CACNA2D1: variants seen among roughly 807,000 people sequenced by gnomAD.
CACNA2D1 encodes calcium voltage-gated channel auxiliary subunit alpha2delta 1.
CACNA2D1 carries 53 observed loss-of-function variants against 171.5 expected under a neutral mutation model. That is an observed-to-expected ratio of 0.31 (90% CI 0.25 to 0.39). The LOEUF is 0.39. CACNA2D1 is among the 10% of genes least tolerant of loss of function. The pLI, the probability that CACNA2D1 is intolerant of heterozygous loss-of-function variation, is 1.00. For missense variants in CACNA2D1, 903 were observed against 1,299.8 expected, an observed-to-expected ratio of 0.69 and a Z score of 4.69; for synonymous variants, 442 against 443.1, an observed-to-expected ratio of 1.00 and a Z score of 0.03.
chr7:81,954,350 A>G (rs1384009092), intron 38 of CACNA2D1, among the ~76,000 whole-genome samples: 1 of 151,910 alleles, frequency 6.6e-6, no homozygotes, highest in Non-Finnish European at 1.5e-5. Flanking sequence ...ATTTTATTAG[A>G]CTTCCTTATA....
intron 3 of CACNA2D1, among the ~76,000 whole-genome samples, chr7:82,283,043 A>G (rs1810323943): frequency 6.6e-6 from 1 of 152,170 alleles, no homozygotes; most frequent in Non-Finnish European, 1.5e-5. Context: ...GAATCGAGAG[A>G]CAGATTTTGT....
intron 4 of CACNA2D1, among the ~76,000 whole-genome samples, chr7:82,141,469 C>T (rs758178816): frequency 5.3e-5 from 8 of 152,174 alleles, no homozygotes; most frequent in Non-Finnish European, 1.0e-4. Context: ...AACCCAGTCT[C>T]CTGTTCCCAT....
chr7:82,136,246 T>C (rs1791586351), intron 5 of CACNA2D1, among the ~76,000 whole-genome samples: 2 of 152,154 alleles, frequency 1.3e-5, no homozygotes, highest in Admixed American at 6.5e-5. Context: ...TGGTTCTCCC[T>C]GGTGTGCAAA....
At chr7:82,352,309 T>TA (rs1047422329) in intron 1 of CACNA2D1, among the ~76,000 whole-genome samples, 1 of 152,206 alleles carries the variant, frequency 6.6e-6, no homozygotes, top group Non-Finnish European at 1.5e-5. Context: ...ATCATGAAAG[T>TA]AAAAAATTAC....
intron 1 of CACNA2D1, among the ~76,000 whole-genome samples, chr7:82,401,121 G>A (rs1212436714): frequency 6.6e-6 from 1 of 152,134 alleles, no homozygotes; most frequent in African/African-American, 2.4e-5. Flanking sequence ...CTGTAAACTA[G>A]TTCAACCATT....
intron 1 of CACNA2D1, among the ~76,000 whole-genome samples, chr7:82,405,770 C>T (rs1034468871): frequency 1.3e-5 from 2 of 152,070 alleles, no homozygotes; most frequent in Middle Eastern, 3.2e-3. Flanking sequence ...TCACTCTTTC[C>T]ACTTTGGGTT....
chr7:82,197,477 TAGAA>T (rs1798964528), intron 3 of CACNA2D1, among the ~76,000 whole-genome samples: 1 of 152,106 alleles, frequency 6.6e-6, no homozygotes, highest in South Asian at 2.1e-4. Context: ...CCACAAAAAC[TAGAA>T]TTGACAGGCA....
intron 3 of CACNA2D1, among the ~76,000 whole-genome samples, chr7:82,185,932 G>A (rs1366697015): frequency 6.6e-5 from 10 of 151,860 alleles, no homozygotes; most frequent in Admixed American, 4.6e-4. Context: ...CTAGGCAGGC[G>A]GATCACCTGA....
At chr7:82,348,860 G>A (rs1488531665) in intron 2 of CACNA2D1, among the ~76,000 whole-genome samples, 1 of 152,082 alleles carries the variant, frequency 6.6e-6, no homozygotes, top group Non-Finnish European at 1.5e-5. Context: ...TGAAACGAAA[G>A]TAGTGGGGCC....
rs1812393478 is a variant in CACNA2D1 at position 82,297,097 on chromosome 7, AT to A, written c.294+38037del. ...CAAAAAAAAAAAAAAAAAAAAAAAA[AT>A]TAGCCAGGTATGGTGGCACACATCT... On this transcript the variant is annotated intron_variant, in intron 3 of 38. Transcript: ENST00000356860. Among the ~76,000 whole-genome samples the A allele has an allele frequency of 2.1e-5, 3 of 142,774 alleles. No individual in the cohort carries two copies. In the South Asian group the frequency reaches 6.7e-4, roughly 32 times the overall value. 93.7% of individuals were successfully genotyped at this position (142,774 alleles called of 152,430 possible).
chr7:82,117,568 T>C (rs1422553068), intron 5 of CACNA2D1, among the ~76,000 whole-genome samples: 2 of 152,184 alleles, frequency 1.3e-5, no homozygotes, highest in African/African-American at 2.4e-5. Context: ...GGCAGATCAC[T>C]TGAGCCCAGG....
intron 10 of CACNA2D1, among the ~76,000 whole-genome samples, chr7:82,059,497 C>T (rs1380775924): frequency 6.6e-6 from 1 of 151,940 alleles, no homozygotes; most frequent in Non-Finnish European, 1.5e-5. Flanking sequence ...ATAGAAAATG[C>T]CATATAATCA....
intron 6 of CACNA2D1, among the ~76,000 whole-genome samples, chr7:82,093,699 T>A (rs1811509232): frequency 6.6e-6 from 1 of 152,170 alleles, no homozygotes; most frequent in Non-Finnish European, 1.5e-5. Flanking sequence ...ACCACACTGA[T>A]GAATGCTGCA....
chr7:82,077,846 TC>T (rs1374358534), intron 7 of CACNA2D1, among the ~76,000 whole-genome samples: 1 of 151,956 alleles, frequency 6.6e-6, no homozygotes, highest in Non-Finnish European at 1.5e-5. Flanking sequence ...TCCACTGGTA[TC>T]CCATTTTCTT....
chr7:82,397,950 C>T (rs1825919085), intron 1 of CACNA2D1, among the ~76,000 whole-genome samples: 1 of 152,114 alleles, frequency 6.6e-6, no homozygotes, highest in Non-Finnish European at 1.5e-5. Context: ...GAATGGCCAA[C>T]ACCCAACAGT....
At chr7:82,292,758 G>GT (rs1811807412) in intron 3 of CACNA2D1, among the ~76,000 whole-genome samples, 1 of 151,918 alleles carries the variant, frequency 6.6e-6, no homozygotes, top group South Asian at 2.1e-4. Context: ...TACTTATGAT[G>GT]TCTTTCAATC....
At position 82,074,945 on chromosome 7, in the gene CACNA2D1, G is replaced by A. The variant is rs143379839; in HGVS notation, c.659-8421C>T. Among the ~76,000 whole-genome samples, 58 of 151,928 alleles carry A rather than the reference G, an allele frequency of 3.8e-4. 1 individual carries two copies. Among genetic ancestry groups the A allele is most frequent in the Non-Finnish European group, 6.9e-4 (47 of 67,942 alleles). ...TGTTACATAGGTACACATGTGCCAC[G>A]TTGGTCTGCTACACCCATCAACCCG... On this transcript the variant is annotated intron_variant, in intron 7 of 38. Coordinates refer to ENST00000356860, the MANE Select transcript of CACNA2D1 (RefSeq NM_000722.4).
At chr7:82,149,940 G>A (rs1418875568) in intron 4 of CACNA2D1, among the ~76,000 whole-genome samples, 2 of 151,956 alleles carry the variant, frequency 1.3e-5, no homozygotes, top group Admixed American at 6.6e-5. Context: ...CTGGGCTACA[G>A]AGCAAGAGTA....
chr7:82,094,330 T>C (rs761396337), intron 6 of CACNA2D1, among the ~76,000 whole-genome samples: 1 of 152,320 alleles, frequency 6.6e-6, no homozygotes, highest in Non-Finnish European at 1.5e-5. Context: ...TCAAGCACTA[T>C]TTCTAAGACA....
Sources: gnomAD v4.1 joint callset for allele counts (sites outside exome capture counted in the v4.1 genomes callset) on GRCh38, gnomAD v4.1.1 for gene constraint, MANE v1.5 for transcripts, NCBI Gene and HGNC (gene_info 2026-07-23, HGNC 2026-07-21) for gene names.